TCF4: variants seen among roughly 807,000 people sequenced by gnomAD.
TCF4 encodes the protein SL3-3 enhancer factor 2.
TCF4 carries 3 observed loss-of-function variants against 82.1 expected under a neutral mutation model. The observed-to-expected ratio is 0.04, with a 90% CI of 0.02 to 0.09. The LOEUF (loss-of-function observed/expected upper bound fraction) is 0.09. Ranked by LOEUF, TCF4 falls within the 10% of genes least tolerant of loss-of-function variation. The pLI is 1.00. For synonymous variants in TCF4, 276 were observed against 309.6 expected, an observed-to-expected ratio of 0.89 and a Z score of 1.14; for missense variants, 518 against 852.7, an observed-to-expected ratio of 0.61 and a Z score of 4.89.
intron 8 of TCF4, among the ~76,000 whole-genome samples, chr18:55,294,165 C>T (rs2065884876): frequency 6.6e-6 from 1 of 150,844 alleles, no homozygotes; most frequent in Non-Finnish European, 1.5e-5. Context: ...GGGGCTGAGG[C>T]ATGAGAATTG....
chr18:55,392,216 C>T (rs1332725015), intron 6 of TCF4, among the ~76,000 whole-genome samples: 4 of 151,366 alleles, frequency 2.6e-5, no homozygotes, highest in Non-Finnish European at 4.4e-5. Context: ...CCACCCACCT[C>T]GGCCTCCCAA....
intron 3 of TCF4, among the ~76,000 whole-genome samples, chr18:55,528,143 C>T (rs1030619289): frequency 1.3e-5 from 2 of 152,156 alleles, no homozygotes; most frequent in Admixed American, 6.5e-5. Flanking sequence ...TGCTATTTCT[C>T]CTACCACTGC....
intron 3 of TCF4, among the ~76,000 whole-genome samples, chr18:55,504,842 T>C (rs927429782): frequency 6.6e-6 from 1 of 152,136 alleles, no homozygotes; most frequent in African/African-American, 2.4e-5. Context: ...TCTCCCATAT[T>C]TGGCAGAAAA....
intron 5 of TCF4, chr18:55,422,243 T>C: frequency 2.0e-6 from 2 of 984,026 alleles, no homozygotes; most frequent in Non-Finnish European, 2.4e-6. Flanking sequence ...CCCAAATACG[T>C]GATGAAGAGT....
chr18:55,601,483 G>C (rs1281179060), intron 2 of TCF4, among the ~76,000 whole-genome samples: 3 of 148,398 alleles, frequency 2.0e-5, no homozygotes, highest in African/African-American at 5.0e-5. Context: ...AAAAAAAAAG[G>C]AAAGGAAAGT....
At chr18:55,531,195 C>A (rs1332039452) in intron 3 of TCF4, among the ~76,000 whole-genome samples, 1 of 152,032 alleles carries the variant, frequency 6.6e-6, no homozygotes, top group East Asian at 1.9e-4. Flanking sequence ...CTCAAGTGAT[C>A]CACCTGCCTC....
chr18:55,369,824 A>C (rs185513487), intron 6 of TCF4, among the ~76,000 whole-genome samples: 130 of 152,378 alleles, frequency 8.5e-4, no homozygotes, highest in Non-Finnish European at 6.5e-4. Context: ...CGGGTTCTTT[A>C]GCTACTGCTG....
chr18:55,350,825 GA>G, intron 7 of TCF4, 48 bp downstream of exon 7: 1 of 1,611,080 alleles, frequency 6.2e-7, no homozygotes, highest in Admixed American at 1.7e-5. Flanking sequence ...AAGAAAAAAA[GA>G]AAAAGGCATA....
rs116635872 is a variant in TCF4 at position 55,367,464 on chromosome 18, T to C, written c.370-16461A>G. Among the ~76,000 whole-genome samples, 227 of 152,324 alleles carry C rather than the reference T, an allele frequency of 1.5e-3. 1 individual carries two copies. Among genetic ancestry groups the C allele is most frequent in the African/African-American group, 5.3e-3 (222 of 41,574 alleles). On this transcript the variant is annotated intron_variant, in intron 6 of 19. Transcript: ENST00000354452. ...TAATGTATCAAGAACATTTTCATAG[T>C]TCAACCAAGTTGCAGGATTCTGCTG...
chr18:55,530,566 G>GGC (rs1555729343), intron 3 of TCF4, among the ~76,000 whole-genome samples: 1 of 148,474 alleles, frequency 6.7e-6, no homozygotes, highest in Non-Finnish European at 1.5e-5. Context: ...TGAAAAGGGG[G>GGC]GGGGAAACAG....
chr18:55,333,045 A>C (rs1418143934), intron 8 of TCF4, among the ~76,000 whole-genome samples: 2 of 152,274 alleles, frequency 1.3e-5, no homozygotes, highest in African/African-American at 4.8e-5. Context: ...ATATGTGAAC[A>C]ATTAAATAAA....
chr18:55,288,083 C>CT (rs1275790275), intron 8 of TCF4, among the ~76,000 whole-genome samples: 3 of 152,122 alleles, frequency 2.0e-5, no homozygotes, highest in Non-Finnish European at 2.9e-5. Context: ...TATTCCAACT[C>CT]TGAGGCAGCA....
chr18:55,236,276 C>T (rs1379769938), intron 15 of TCF4, among the ~76,000 whole-genome samples: 2 of 152,098 alleles, frequency 1.3e-5, no homozygotes, highest in African/African-American at 4.8e-5. Context: ...GTGCCTGTGT[C>T]GCAACACAGA....
chr18:55,303,513 C>T (rs896597974), intron 8 of TCF4, among the ~76,000 whole-genome samples: 3 of 152,134 alleles, frequency 2.0e-5, no homozygotes, highest in Non-Finnish European at 4.4e-5. Context: ...CAGCAAAGAA[C>T]ATTACTTGCA....
At chr18:55,508,998 G>A (rs1387884952) in intron 3 of TCF4, among the ~76,000 whole-genome samples, 3 of 152,080 alleles carry the variant, frequency 2.0e-5, no homozygotes, top group Non-Finnish European at 2.9e-5. Flanking sequence ...CAAGACTCCT[G>A]TATGTTATTA....
intron 3 of TCF4, among the ~76,000 whole-genome samples, chr18:55,498,620 T>G (rs2096663748): frequency 6.6e-6 from 1 of 152,236 alleles, no homozygotes; most frequent in East Asian, 1.9e-4. Flanking sequence ...CCTCTGAGTC[T>G]CTAGTGAAGA....
At chr18:55,603,619 T>G (rs531391747) in intron 2 of TCF4, among the ~76,000 whole-genome samples, 3 of 152,266 alleles carry the variant, frequency 2.0e-5, no homozygotes, top group South Asian at 4.2e-4. Context: ...CGACACAAAC[T>G]CCTCACTATT....
intron 16 of TCF4, among the ~76,000 whole-genome samples, chr18:55,233,955 T>C (rs1355124621): frequency 1.3e-5 from 2 of 151,834 alleles, no homozygotes; most frequent in Non-Finnish European, 2.9e-5. Flanking sequence ...CCTGTGGCAA[T>C]GTTATCATTT....
intron 6 of TCF4, among the ~76,000 whole-genome samples, chr18:55,362,352 A>T (rs1347753601): frequency 1.1e-4 from 10 of 90,358 alleles, no homozygotes; most frequent in African/African-American, 4.7e-4. Flanking sequence ...GAAGGAAGGA[A>T]GGAAGGAAGG....
Sources: gnomAD v4.1 joint callset for allele counts (sites outside exome capture counted in the v4.1 genomes callset) on GRCh38, gnomAD v4.1.1 for gene constraint, MANE v1.5 for transcripts, NCBI Gene and HGNC (gene_info 2026-07-23, HGNC 2026-07-21) for gene names.